Variants in PISD observed in about 807,000 individuals in gnomAD.
PISD encodes the protein phosphatidylserine decarboxylase.
A neutral mutation model predicts 43.5 loss-of-function variants in PISD; 31 were observed. The ratio of observed to expected loss-of-function variants is 0.71; its 90% CI spans 0.54 to 0.96. The LOEUF is 0.96. Among genes scored for constraint, PISD ranks in the 40% least tolerant of loss-of-function variants. PISD has a pLI of 0.00. For synonymous variants in PISD, 259 were observed against 228.7 expected (o/e 1.13, Z -1.20); for missense variants, 523 against 548.4 (o/e 0.95, Z 0.46).
intron 1 of PISD, among the ~76,000 whole-genome samples, chr22:31,655,913 A>G (rs768666426): frequency 3.3e-5 from 5 of 152,134 alleles, no homozygotes; most frequent in Admixed American, 1.3e-4. Context: ...TTGGGATTAC[A>G]GGCATGAGCC....
At chr22:31,637,596 A>T (rs1351050077) in intron 3 of PISD, among the ~76,000 whole-genome samples, 1 of 152,082 alleles carries the variant, frequency 6.6e-6, no homozygotes, top group Non-Finnish European at 1.5e-5. Context: ...TGGGACGTGC[A>T]TGTCACTTTA....
chr22:31,623,759 C>A, intron 3 of PISD: 1 of 1,614,202 alleles, frequency 6.2e-7, no homozygotes, highest in Non-Finnish European at 8.5e-7. Context: ...AGAGGACGGT[C>A]AAGGGCCAGG....
Position 31,630,166 on chromosome 22 carries a change from G to A in PISD, c.322-8281C>T, listed in dbSNP as rs555722732. Among the ~76,000 whole-genome samples the A allele has an allele frequency of 1.3e-5, 2 of 152,210 alleles. No individual in the cohort carries two copies. Among genetic ancestry groups the A allele is most frequent in the East Asian group, 3.9e-4 (2 of 5,168 alleles). On this transcript the variant is annotated intron_variant, in intron 3 of 7. Transcript: ENST00000439502. The surrounding 1 kb of genome is among the most constrained non-coding windows in gnomAD (Gnocchi z 4.4). The stretch of plus-strand genomic sequence containing the variant: ...GGTCCTCCCTGGGCGACATGGACCA[G>A]AGTCAGTGGCAGGCAGCCCAGGAGG...
At chr22:31,655,850 T>A (rs530954863) in intron 1 of PISD, among the ~76,000 whole-genome samples, 3 of 151,936 alleles carry the variant, frequency 2.0e-5, no homozygotes, top group Admixed American at 1.3e-4. Flanking sequence ...TTGGCCAGGC[T>A]GGGCTCGAAC....
In PISD at chr22:31,620,512, G is replaced by A. The variant is rs1377278604; in HGVS notation, c.1005+41C>T. 8 of 1,601,082 alleles carry A rather than the reference G, an allele frequency of 5.0e-6. No individual in the cohort carries two copies. The South Asian group carries it at 7.7e-5, about 15-fold the overall frequency. On this transcript the variant is annotated intron_variant, in intron 7 of 7. Transcript: ENST00000439502. The stretch of plus-strand genomic sequence containing the variant: ...CAGACAAGGCAGGTAGACCCAAGAG[G>A]TCTGGCCCTTGGGCTTTGGCAGGGC...
At chr22:31,662,417 C>T, upstream of PISD, 1 of 581,952 alleles carries the variant, frequency 1.7e-6, no homozygotes. Context: ...TTCGCTAAAC[C>T]TGGGCTTGGT....
At chr22:31,643,024 C>T (rs888229399) in intron 3 of PISD, among the ~76,000 whole-genome samples, 1 of 151,450 alleles carries the variant, frequency 6.6e-6, no homozygotes, top group East Asian at 1.9e-4. Context: ...ATTGCTTGAA[C>T]CCGGGAGGCG....
At chr22:31,620,210 G>A (rs1332435259) in intron 7 of PISD, among the ~76,000 whole-genome samples, 1 of 137,628 alleles carries the variant, frequency 7.3e-6, no homozygotes, top group Non-Finnish European at 1.6e-5. Context: ...CCCTCATGCT[G>A]TAACCAACAT....
intron 1 of PISD, among the ~76,000 whole-genome samples, chr22:31,652,903 G>A (rs914357228): frequency 1.3e-5 from 2 of 151,988 alleles, no homozygotes; most frequent in African/African-American, 4.8e-5. Context: ...GCCGGGCATG[G>A]TGGCATGTGC....
chr22:31,636,571 ACTCT>A, intron 3 of PISD, among the ~76,000 whole-genome samples: 1 of 141,214 alleles, frequency 7.1e-6, no homozygotes, highest in East Asian at 2.1e-4. Context: ...ATGGAGTCTC[ACTCT>A]CTCTCCCAGT....
At position 31,645,964 on chromosome 22, in the gene PISD, C is replaced by T. The variant is rs200552766; in HGVS notation, c.321+2137G>A. The stretch of plus-strand genomic sequence containing the variant: ...AGTTATCTCAGTATATATATATATA[C>T]AAATATTGAAAAATCCAAAAAAAAA... On this transcript the variant is annotated intron_variant, in intron 3 of 7. Transcript: ENST00000439502. Among the ~76,000 whole-genome samples the T allele has an allele frequency of 6.0e-5, 9 of 150,834 alleles. No individual in the cohort carries two copies. The East Asian group carries it at 1.6e-3, about 26-fold the overall frequency.
rs114419013 is a variant in PISD, at chr22:31,638,982, A to G, written c.321+9119T>C. Among the ~76,000 whole-genome samples, 1,425 of 151,180 alleles carry G rather than the reference A, an allele frequency of 9.4e-3. 23 individuals carry two copies. The highest frequency in any genetic ancestry group is 0.033 in the African/African-American group (1,371 of 41,128). On this transcript the variant is annotated intron_variant, in intron 3 of 7. Transcript: ENST00000439502. ...ACTCCAGACTGGATGACAGAGTGAG[A>G]GCCTGTCTTTTTTTTCCTTTTTTTC...
In PISD at chr22:31,623,717, C is replaced by T. The variant is rs148252495; in HGVS notation, c.322-1832G>A. ...CGGGCCTCCATCCCACCCGGCTGAG[C>T]GGTCTGAGGGCGCCGAAGGGCAGGA... On this transcript the variant is annotated intron_variant, in intron 3 of 7. Coordinates refer to ENST00000439502, the MANE Select transcript of PISD (RefSeq NM_001326411.2). 15 of 1,614,050 alleles carry T rather than the reference C, an allele frequency of 9.3e-6. No homozygotes were observed. In the African/African-American group the frequency reaches 1.1e-4, roughly 11 times the overall value.
Position 31,621,490 on chromosome 22 carries a change from G to A in PISD, c.559-18C>T, listed in dbSNP as rs756811513. The A allele has an allele frequency of 9.3e-6, 15 of 1,613,780 alleles. No homozygotes were observed. Among genetic ancestry groups the A allele is most frequent in the Non-Finnish European group, 1.3e-5 (15 of 1,179,972 alleles). On this transcript the variant is annotated intron_variant, in intron 4 of 7. Transcript: ENST00000439502. ...GGGCTAATCTGGAAGGGCAGGAGAGGCTTGCTGCCAGGGAGAGCAGGGTCT... is the reference window on the plus strand; with the variant it reads ...GGGCTAATCTGGAAGGGCAGGAGAGACTTGCTGCCAGGGAGAGCAGGGTCT...
intron 3 of PISD, among the ~76,000 whole-genome samples, chr22:31,625,424 G>A (rs962511477): frequency 2.6e-5 from 4 of 152,224 alleles, no homozygotes; most frequent in African/African-American, 9.7e-5. Context: ...AGGGGAATGG[G>A]GAAGCCTCTC....
intron 1 of PISD, among the ~76,000 whole-genome samples, chr22:31,658,495 C>A (rs1346956674): frequency 6.6e-6 from 1 of 152,138 alleles, no homozygotes; most frequent in African/African-American, 2.4e-5. Context: ...CATCTATGAC[C>A]AGCATTCACT....
chr22:31,649,035 C>T (rs1369572377), intron 2 of PISD, among the ~76,000 whole-genome samples: 1 of 152,072 alleles, frequency 6.6e-6, no homozygotes, highest in East Asian at 1.9e-4. Context: ...AATGCAAAAT[C>T]TCATAAACTC....
intron 1 of PISD, among the ~76,000 whole-genome samples, chr22:31,651,999 A>T (rs1161127585): frequency 1.3e-5 from 2 of 152,058 alleles, no homozygotes; most frequent in Non-Finnish European, 2.9e-5. Flanking sequence ...GTCAATAAAC[A>T]TTTTTTTCCT....
intron 3 of PISD, among the ~76,000 whole-genome samples, chr22:31,627,288 CAG>C (rs1394394792): frequency 6.6e-6 from 1 of 152,252 alleles, no homozygotes; most frequent in Non-Finnish European, 1.5e-5. Flanking sequence ...CACCAGCAAA[CAG>C]ATACACACCA....
Sources: allele counts gnomAD v4.1 joint callset (sites outside exome capture counted in the v4.1 genomes callset), GRCh38; gene constraint gnomAD v4.1.1; non-coding constraint Gnocchi (gnomAD v3.1); transcripts MANE v1.5; gene names NCBI Gene and HGNC (gene_info 2026-07-23, HGNC 2026-07-21).